SUGT1: variants seen among roughly 807,000 people sequenced by gnomAD.
SUGT1 encodes the protein SGT1 assembly cochaperone of MIS12 kinetochore complex.
SUGT1 carries 15 observed loss-of-function variants against 56.1 expected under a neutral mutation model. The ratio of observed to expected loss-of-function variants is 0.27; its 90% CI spans 0.18 to 0.41. SUGT1 has a LOEUF of 0.41. Ranked by LOEUF, SUGT1 falls within the 10% of genes least tolerant of loss-of-function variation. The probability of loss-of-function intolerance (pLI) is 1.00; values close to 1 mark genes in which losing one functional copy is unlikely to be tolerated. For missense variants in SUGT1, 347 were observed against 382.2 expected, an observed-to-expected ratio of 0.91 and a Z score of 0.77; for synonymous variants, 123 against 128.6, an observed-to-expected ratio of 0.96 and a Z score of 0.30.
At chr13:52,684,168 T>C (rs1479681641) in intron 12 of SUGT1, among the ~76,000 whole-genome samples, 2 of 152,170 alleles carry the variant, frequency 1.3e-5, no homozygotes, top group Non-Finnish European at 2.9e-5. Context: ...CCCAAAGTGC[T>C]AGGATTACAG....
chr13:52,671,274 ATTC>A (rs1355474888), intron 10 of SUGT1, among the ~76,000 whole-genome samples: 5 of 151,816 alleles, frequency 3.3e-5, no homozygotes, highest in Admixed American at 2.0e-4. Flanking sequence ...CTTGGAATGT[ATTC>A]TTATCTTTTC....
intron 9 of SUGT1, among the ~76,000 whole-genome samples, chr13:52,666,366 C>T (rs1315302151): frequency 3.9e-5 from 6 of 152,062 alleles, no homozygotes; most frequent in Non-Finnish European, 5.9e-5. Context: ...CATGCACCAC[C>T]GTGCCCAGCC....
rs943828261 is a variant in SUGT1, at chr13:52,662,697, A to G, written c.377A>G (p.Gln126Arg). ...SVWIKRCQEA[Q>R]NGSESEVWTH... The stretch of plus-strand genomic sequence containing the variant: ...TGGATTAAAAGGTGTCAAGAAGCTC[A>G]GAATGGTATGTGGGTCTCCCTTGGT... The change falls in exon 6 of 13, where the codon CAG becomes CGG. Residue 126 changes from glutamine (Q) to arginine (R), a missense_variant. Coordinates refer to ENST00000310528, the MANE Select transcript of SUGT1 (RefSeq NM_006704.5). 1.9e-6 allele frequency: 3 copies of G among 1,613,438 alleles called. No individual in the cohort carries two copies. The highest frequency in any genetic ancestry group is 2.5e-6 in the Non-Finnish European group (3 of 1,179,668).
chr13:52,676,593 G>A (rs925210502), intron 11 of SUGT1, among the ~76,000 whole-genome samples: 17 of 152,170 alleles, frequency 1.1e-4, no homozygotes, highest in Non-Finnish European at 2.2e-4. Flanking sequence ...CAGTTGGAGG[G>A]TGTTTAGTTT....
At chr13:52,678,283 G>A (rs1963229523) in intron 11 of SUGT1, among the ~76,000 whole-genome samples, 1 of 151,906 alleles carries the variant, frequency 6.6e-6, no homozygotes, top group African/African-American at 2.4e-5. Context: ...ATTTGGCCCT[G>A]AAAAAAAACT....
At position 52,670,175 on chromosome 13, in the gene SUGT1, A is replaced by G. The variant is rs189769086; in HGVS notation, c.627+3256A>G. Among the ~76,000 whole-genome samples the G allele has an allele frequency of 3.3e-5, 5 of 152,354 alleles. No individual in the cohort carries two copies. The East Asian group carries it at 9.6e-4, about 29-fold the overall frequency. On this transcript the variant is annotated intron_variant, in intron 10 of 12. Coordinates refer to ENST00000310528, the MANE Select transcript of SUGT1 (RefSeq NM_006704.5). ...TATAGCCAGTGGTTAAATATTATTT[A>G]TTTGAGTGATATGTAATTTGTGATG...
intron 2 of SUGT1, among the ~76,000 whole-genome samples, chr13:52,653,629 C>T (rs927402905): frequency 2.0e-5 from 3 of 152,094 alleles, no homozygotes; most frequent in African/African-American, 7.2e-5. Flanking sequence ...TGCAAAGGCG[C>T]TGATTGCTGT....
In SUGT1 at chr13:52,693,316, A is replaced by T. The variant is rs1222149502; in HGVS notation, c.*5481A>T. On this transcript the variant is annotated 3_prime_UTR_variant, in exon 13 of 13. Coordinates refer to ENST00000310528, the MANE Select transcript of SUGT1 (RefSeq NM_006704.5). ...TGCTATTTACCTAAAGGTAATTTTCAGTTTCTTTAGAAGGAGTTAGGAAAA... is the reference window on the plus strand; with the variant it reads ...TGCTATTTACCTAAAGGTAATTTTCTGTTTCTTTAGAAGGAGTTAGGAAAA... The T allele has an allele frequency of 6.6e-6, 1 of 152,184 alleles. No homozygotes were observed. The highest frequency in any genetic ancestry group is 1.5e-5 in the Non-Finnish European group (1 of 68,026). 9.4% of individuals were successfully genotyped at this position (152,184 alleles called of 1,614,324 possible).
chr13:52,669,109 C>T (rs1252877196), intron 10 of SUGT1, among the ~76,000 whole-genome samples: 1 of 152,148 alleles, frequency 6.6e-6, no homozygotes, highest in African/African-American at 2.4e-5. Flanking sequence ...TCTGCCCCTT[C>T]CTCTTTAAAT....
At chr13:52,657,682 A>G (rs1039846557) in intron 3 of SUGT1, 60 bp downstream of exon 3, 32 of 1,462,822 alleles carry the variant, frequency 2.2e-5, no homozygotes, top group African/African-American at 8.5e-5. Context: ...CATTTTACCC[A>G]TGACAAATTA....
At position 52,700,388 on chromosome 13, in the gene SUGT1, T is replaced by C. The variant is rs1964048127; in HGVS notation, c.*12553T>C. The C allele has an allele frequency of 6.6e-6, 1 of 152,178 alleles. No homozygotes were observed. Among genetic ancestry groups the C allele is most frequent in the African/African-American group, 2.4e-5 (1 of 41,454 alleles). The allele number at this position is 152,178 out of a possible 1,614,324, so 9.4% of individuals were successfully genotyped here. On this transcript the variant is annotated 3_prime_UTR_variant, in exon 13 of 13. Transcript: ENST00000310528. Reference sequence around the variant, plus strand: ...CCTTACACAGTAAGTACCTAAAATTTGTAAATTGAATACTTTTGAATGTAA... The same window carrying C: ...CCTTACACAGTAAGTACCTAAAATTCGTAAATTGAATACTTTTGAATGTAA...
intron 11 of SUGT1, among the ~76,000 whole-genome samples, chr13:52,677,393 G>A (rs1963190788): frequency 6.6e-6 from 1 of 152,182 alleles, no homozygotes; most frequent in African/African-American, 2.4e-5. Context: ...TTTAAGGACT[G>A]AAGTATATCT....
Position 52,695,477 on chromosome 13 carries a change from C to T in SUGT1, c.*7642C>T, listed in dbSNP as rs946259685. ...TTTTATAACACTGGATGATAATTAA[C>T]CCTCAGGATTGTGAGGATTTAATAA... On this transcript the variant is annotated 3_prime_UTR_variant, in exon 13 of 13. Coordinates refer to ENST00000310528, the MANE Select transcript of SUGT1 (RefSeq NM_006704.5). 6.6e-6 allele frequency: 1 copy of T among 152,130 alleles called. No homozygotes were observed. Among genetic ancestry groups the T allele is most frequent in the South Asian group, 2.1e-4 (1 of 4,828 alleles). 9.4% of individuals were successfully genotyped at this position (152,130 alleles called of 1,614,324 possible).
chr13:52,690,839 A>G lies in SUGT1; in HGVS notation c.*3004A>G, dbSNP rs1963754881. On this transcript the variant is annotated 3_prime_UTR_variant, in exon 13 of 13. Coordinates refer to ENST00000310528, the MANE Select transcript of SUGT1 (RefSeq NM_006704.5). The stretch of plus-strand genomic sequence containing the variant: ...TGGAGAAAGAGGATGGCTTGCATTA[A>G]TAACTCTAGTTTTTAAAAACATTTT... 6.6e-6 allele frequency: 1 copy of G among 152,218 alleles called. No individual in the cohort carries two copies. The highest frequency in any genetic ancestry group is 1.5e-5 in the Non-Finnish European group (1 of 68,048). The allele number at this position is 152,218 out of a possible 1,614,324, so 9.4% of individuals were successfully genotyped here. A position where few individuals can be genotyped will look rare whatever the true frequency, so the allele number is the denominator to read the frequency against.
chr13:52,676,656 G>A (rs376847074), intron 11 of SUGT1, among the ~76,000 whole-genome samples: 11 of 152,058 alleles, frequency 7.2e-5, no homozygotes, highest in African/African-American at 2.4e-4. Context: ...TGGTTTACTC[G>A]GCGGATATAT....
chr13:52,662,773 A>T, intron 6 of SUGT1, 71 bp downstream of exon 6: 2 of 1,492,126 alleles, frequency 1.3e-6, no homozygotes, highest in Non-Finnish European at 1.8e-6. Context: ...TTTGGTTTAA[A>T]CAAATTTGTT....
At chr13:52,654,407 A>G (rs1337409261) in intron 2 of SUGT1, among the ~76,000 whole-genome samples, 3 of 152,260 alleles carry the variant, frequency 2.0e-5, no homozygotes, top group African/African-American at 4.8e-5. Context: ...CAGTATTAAC[A>G]TAATGAATTT....
rs1458168465 is a variant in SUGT1, at chr13:52,689,273, C to T, written c.*1438C>T. The T allele has an allele frequency of 6.6e-6, 1 of 152,072 alleles. No individual in the cohort carries two copies. Among genetic ancestry groups the T allele is most frequent in the Non-Finnish European group, 1.5e-5 (1 of 68,012 alleles). The allele number at this position is 152,072 out of a possible 1,614,324, so 9.4% of individuals were successfully genotyped here. A position where few individuals can be genotyped will look rare whatever the true frequency, so the allele number is the denominator to read the frequency against. On this transcript the variant is annotated 3_prime_UTR_variant, in exon 13 of 13. Coordinates refer to ENST00000310528, the MANE Select transcript of SUGT1 (RefSeq NM_006704.5). ...TTGTCCTTCTGTCCACTTAGAGCTACTAGATACATTTTTTTCTTCTTGAAC... is the reference window on the plus strand; with the variant it reads ...TTGTCCTTCTGTCCACTTAGAGCTATTAGATACATTTTTTTCTTCTTGAAC...
At position 52,695,171 on chromosome 13, in the gene SUGT1, T is replaced by C. The variant is rs1350613758; in HGVS notation, c.*7336T>C. 7 of 152,230 alleles carry C rather than the reference T, an allele frequency of 4.6e-5. No homozygotes were observed. Among genetic ancestry groups the C allele is most frequent in the African/African-American group, 1.7e-4 (7 of 41,462 alleles). 9.4% of individuals were successfully genotyped at this position (152,230 alleles called of 1,614,324 possible). A position where few individuals can be genotyped will look rare whatever the true frequency, so the allele number is the denominator to read the frequency against. On this transcript the variant is annotated 3_prime_UTR_variant, in exon 13 of 13. Coordinates refer to ENST00000310528, the MANE Select transcript of SUGT1 (RefSeq NM_006704.5). The stretch of plus-strand genomic sequence containing the variant: ...AACTTTTTCTGTGGCTTGAAGTGAC[T>C]GAAAGTGAACACATTCATAAGTAAT...
Sources: gnomAD v4.1 joint callset for allele counts (sites outside exome capture counted in the v4.1 genomes callset) on GRCh38, gnomAD v4.1.1 for gene constraint, MANE v1.5 for transcripts, NCBI Gene and HGNC (gene_info 2026-07-23, HGNC 2026-07-21) for gene names.